The following CAMK2G variants were observed in gnomAD, a reference collection of about 807,000 sequenced individuals.
CAMK2G encodes calcium/calmodulin dependent protein kinase II gamma.
A neutral mutation model predicts 88.7 loss-of-function variants in CAMK2G; 23 were observed. The ratio of observed to expected loss-of-function variants is 0.26; its 90% CI spans 0.19 to 0.37. The LOEUF is 0.37. Among genes scored for constraint, CAMK2G ranks in the 10% least tolerant of loss-of-function variants. The pLI is 1.00. For synonymous variants in CAMK2G, 263 were observed against 294.8 expected (o/e 0.89, Z 1.11); for missense variants, 476 against 780.8 (o/e 0.61, Z 4.65).
At chr10:73,874,112 G>A (rs1360471876) in intron 1 of CAMK2G, among the ~76,000 whole-genome samples, 1 of 149,370 alleles carries the variant, frequency 6.7e-6, no homozygotes, top group Non-Finnish European at 1.5e-5. Context: ...GCGCCTGAAG[G>A]GTGCGGAGGG....
At position 73,848,700 on chromosome 10, in the gene CAMK2G, C is replaced by T. The variant is rs2094420486; in HGVS notation, c.518-91G>A. On this transcript the variant is annotated intron_variant, in intron 7 of 22. Coordinates refer to ENST00000423381, the MANE Select transcript of CAMK2G (RefSeq NM_001367534.1). This position sits in a 1 kb window ranked among gnomAD's most constrained non-coding sequence, Gnocchi z 4.5. ...CATTTCCCCCAAGTCCCATCTTATT[C>T]CTGCTGCTTTTGCTACATAAACTCT... is the stretch of plus-strand genomic sequence containing the variant. 3 of 753,512 alleles carry T rather than the reference C, an allele frequency of 4.0e-6. No homozygotes were observed. The highest frequency in any genetic ancestry group is 6.7e-6 in the Non-Finnish European group (3 of 444,986). 46.7% of individuals were successfully genotyped at this position (753,512 alleles called of 1,614,324 possible). A position where few individuals can be genotyped will look rare whatever the true frequency, so the allele number is the denominator to read the frequency against.
At chr10:73,817,688 T>G in intron 19 of CAMK2G, 134 bp from the exon 20 acceptor site, 73 of 641,502 alleles carry the variant, frequency 1.1e-4, no homozygotes, top group Non-Finnish European at 1.2e-4. Context: ...CTAGGGCCCT[T>G]GGCAGGAAGA....
At chr10:73,870,568 C>A (rs187404342) in intron 2 of CAMK2G, among the ~76,000 whole-genome samples, 3 of 152,288 alleles carry the variant, frequency 2.0e-5, no homozygotes, top group Admixed American at 1.3e-4. Flanking sequence ...CAGCTCTATA[C>A]CCTCTTTTTA....
intron 2 of CAMK2G, among the ~76,000 whole-genome samples, chr10:73,862,395 G>T (rs1402891278): frequency 2.0e-5 from 3 of 151,040 alleles, no homozygotes; most frequent in Non-Finnish European, 4.4e-5. Context: ...AAGGGCGGGG[G>T]TACCTTTCCA....
chr10:73,815,948 C>T, intron 21 of CAMK2G: 1 of 985,392 alleles, frequency 1.0e-6, no homozygotes, highest in African/African-American at 1.7e-5. Context: ...ATGACACCTT[C>T]CTAGTACTAA....
At chr10:73,861,812 T>C (rs1278435935) in intron 2 of CAMK2G, among the ~76,000 whole-genome samples, 2 of 152,202 alleles carry the variant, frequency 1.3e-5, no homozygotes, top group Admixed American at 1.3e-4. Context: ...AGGTTGATGA[T>C]CAAGATAATG....
Position 73,842,472 on chromosome 10 carries a change from G to T in CAMK2G, c.889C>A (p.Arg297=). The T allele has an allele frequency of 6.2e-7, 1 of 1,612,294 alleles. No individual in the cohort carries two copies. The highest frequency in any genetic ancestry group is 8.5e-7 in the Non-Finnish European group (1 of 1,178,306). ...ACGACACTCACCTTCAGTTTTCTCC[G>T]GGCATTGAACTTGCGCAAACACTCC... is the stretch of plus-strand genomic sequence containing the variant. ...TVECLRKFNA[R]RKLKGAILTT... is the part of the protein sequence containing the mutation. Residue 297 remains arginine (R), a synonymous_variant, in exon 11 of 23, where the codon CGG becomes AGG. Coordinates refer to ENST00000423381, the MANE Select transcript of CAMK2G (RefSeq NM_001367534.1). The surrounding 1 kb of genome is among the most constrained non-coding windows in gnomAD (Gnocchi z 4.6).
chr10:73,863,646 T>C (rs1261398418), intron 2 of CAMK2G, among the ~76,000 whole-genome samples: 1 of 152,240 alleles, frequency 6.6e-6, no homozygotes, highest in Non-Finnish European at 1.5e-5. Flanking sequence ...AGAAGATTAA[T>C]GTTTATCTCC....
At chr10:73,833,537 G>C (rs2092786507) in intron 14 of CAMK2G, among the ~76,000 whole-genome samples, 1 of 150,894 alleles carries the variant, frequency 6.6e-6, no homozygotes, top group Non-Finnish European at 1.5e-5. Flanking sequence ...TTCCACATTT[G>C]TTATCCAGTT....
chr10:73,867,685 G>A (rs564034308), intron 2 of CAMK2G, among the ~76,000 whole-genome samples: 13 of 152,266 alleles, frequency 8.5e-5, no homozygotes, highest in South Asian at 2.1e-4. Flanking sequence ...GGGTACAGAC[G>A]GGAATGGGGC....
chr10:73,828,197 T>G, intron 14 of CAMK2G, 76 bp from the exon 15 acceptor site: 2 of 1,220,084 alleles, frequency 1.6e-6, no homozygotes, highest in Non-Finnish European at 2.4e-6. Flanking sequence ...CGCTGCAGGT[T>G]AGCGCACCAG....
chr10:73,847,880 AC>A, intron 9 of CAMK2G, 107 bp downstream of exon 9: 2 of 620,000 alleles, frequency 3.2e-6, no homozygotes, highest in East Asian at 2.8e-5. Flanking sequence ...GTCCCCTGAC[AC>A]CCCCGTATCA....
At position 73,817,101 on chromosome 10, in the gene CAMK2G, C is replaced by A; in HGVS notation, c.1456G>T (p.Gly486Cys). 6.2e-7 allele frequency: 1 copy of A among 1,610,468 alleles called. No homozygotes were observed. The highest frequency in any genetic ancestry group is 1.1e-5 in the South Asian group (1 of 90,572). ...GCCTCAGGCTCAAAGGAAGTGAGGC[C>A]TGGATCACAAATCTTCCTACAGGGA... ...FEAYTKICDPGLTSFEPEALG... is the reference protein window; with the variant it reads ...FEAYTKICDPCLTSFEPEALG... The change falls in exon 21 of 23, where the codon GGC (glycine) becomes TGC (cysteine). Residue 486 changes from glycine to cysteine, a missense_variant. Gly to Cys is a radical substitution (Grantham distance 159). Coordinates refer to ENST00000423381, the MANE Select transcript of CAMK2G (RefSeq NM_001367534.1).
chr10:73,868,197 G>T (rs2095662291), intron 2 of CAMK2G, among the ~76,000 whole-genome samples: 1 of 152,192 alleles, frequency 6.6e-6, no homozygotes, highest in African/African-American at 2.4e-5. Flanking sequence ...AGAGAATGGG[G>T]TCAGCCACTC....
chr10:73,837,983 A>G (rs1175216951), intron 13 of CAMK2G, among the ~76,000 whole-genome samples: 1 of 152,238 alleles, frequency 6.6e-6, no homozygotes, highest in African/African-American at 2.4e-5. Flanking sequence ...CAGAGGACAG[A>G]CAGACACAGA....
chr10:73,840,015 G>C (rs1227465089), intron 12 of CAMK2G, among the ~76,000 whole-genome samples: 1 of 152,180 alleles, frequency 6.6e-6, no homozygotes, highest in Non-Finnish European at 1.5e-5. Flanking sequence ...CCCACGATGA[G>C]AGTGCCGGGG....
intron 10 of CAMK2G, chr10:73,846,551 A>C (rs1297741270): frequency 6.6e-6 from 1 of 152,186 alleles, no homozygotes; most frequent in East Asian, 1.9e-4. Context: ...TGCCTCATTC[A>C]TCTTTGTATC....
At chr10:73,814,893 G>A in intron 22 of CAMK2G, 110 bp downstream of exon 22, 1 of 698,582 alleles carries the variant, frequency 1.4e-6, no homozygotes, top group South Asian at 1.8e-5. Context: ...CCAGTCCTCT[G>A]GGACGGCCCA....
intron 4 of CAMK2G, 57 bp from the exon 5 acceptor site, chr10:73,852,376 A>T: frequency 7.2e-7 from 1 of 1,398,168 alleles, no homozygotes; most frequent in Non-Finnish European, 1.0e-6. Flanking sequence ...GTCCAACCCC[A>T]ATGTCCAAGA....
Sources: allele counts gnomAD v4.1 joint callset (sites outside exome capture counted in the v4.1 genomes callset), GRCh38; gene constraint gnomAD v4.1.1; non-coding constraint Gnocchi (gnomAD v3.1); transcripts MANE v1.5; gene names NCBI Gene and HGNC (gene_info 2026-07-23, HGNC 2026-07-21).